Variants in RCOR3 observed in about 807,000 individuals in gnomAD.
RCOR3 encodes the protein REST corepressor 3.
Under a neutral mutation model 64.1 loss-of-function variants are expected in RCOR3, and 13 were observed. That is an observed-to-expected ratio of 0.20 (90% confidence interval 0.13 to 0.32). RCOR3 has a LOEUF of 0.32. Ranked by LOEUF, RCOR3 falls within the 10% of genes least tolerant of loss-of-function variation. RCOR3 has a pLI of 1.00. For synonymous variants in RCOR3, 215 were observed against 239.0 expected, an observed-to-expected ratio of 0.90 and a Z score of 0.93; for missense variants, 489 against 701.2, an observed-to-expected ratio of 0.70 and a Z score of 3.42.
rs547214735 is a variant in RCOR3, at chr1:211,262,113, C to T, written c.223+1949C>T. Among the ~76,000 whole-genome samples, 6 of 129,886 alleles carry T rather than the reference C, an allele frequency of 4.6e-5. No homozygotes were observed. In the East Asian group the frequency reaches 1.4e-3, roughly 30 times the overall value. 85.2% of individuals were successfully genotyped at this position (129,886 alleles called of 152,430 possible). A position where few individuals can be genotyped will look rare whatever the true frequency, so the allele number is the denominator to read the frequency against. The stretch of plus-strand genomic sequence containing the variant: ...AGTGCAGTGGCGTAATCTCGGCTCA[C>T]TGCAACCTCTGCCTCCCGGGTTCAA... On this transcript the variant is annotated intron_variant, in intron 2 of 11. Transcript: ENST00000419091.
chr1:211,260,240 G>C (rs1355040367), intron 2 of RCOR3, 76 bp downstream of exon 2: 23 of 1,371,590 alleles, frequency 1.7e-5, no homozygotes, highest in Middle Eastern at 1.8e-4. Context: ...CTAGGAGTCC[G>C]GGCATGGGGC....
At chr1:211,261,738 G>A (rs377109348) in intron 2 of RCOR3, among the ~76,000 whole-genome samples, 10 of 151,562 alleles carry the variant, frequency 6.6e-5, no homozygotes, top group East Asian at 2.0e-4. Context: ...TGGCTAACAC[G>A]GTGAAACCCC....
At chr1:211,295,779 T>C (rs571794982) in intron 9 of RCOR3, 26 bp downstream of exon 9, 2 of 1,594,828 alleles carry the variant, frequency 1.3e-6, no homozygotes, top group South Asian at 2.2e-5. Context: ...ATACATGTGA[T>C]TAAGTATAGT....
chr1:211,279,436 G>T, intron 7 of RCOR3, 120 bp downstream of exon 7: 1 of 657,376 alleles, frequency 1.5e-6, no homozygotes. Context: ...GTAAATTTCA[G>T]TGTTAATTAG....
At chr1:211,308,890 T>G (rs550144251) in intron 10 of RCOR3, among the ~76,000 whole-genome samples, 1 of 151,734 alleles carries the variant, frequency 6.6e-6, no homozygotes, top group Non-Finnish European at 1.5e-5. Context: ...TTTTGTATTT[T>G]TAGTAGAAAC....
intron 9 of RCOR3, among the ~76,000 whole-genome samples, chr1:211,300,493 AC>A (rs1444301655): frequency 6.6e-6 from 1 of 151,326 alleles, no homozygotes; most frequent in Non-Finnish European, 1.5e-5. Flanking sequence ...ATAGATGACT[AC>A]CCTTCTTTTT....
intron 8 of RCOR3, among the ~76,000 whole-genome samples, chr1:211,295,340 T>A (rs1699756967): frequency 6.6e-6 from 1 of 152,182 alleles, no homozygotes; most frequent in Non-Finnish European, 1.5e-5. Flanking sequence ...GGAAAAATTC[T>A]TATTTAGTCA....
At chr1:211,291,706 G>T (rs891034553) in intron 8 of RCOR3, 10 of 382,574 alleles carry the variant, frequency 2.6e-5, no homozygotes, top group Admixed American at 2.6e-4. Flanking sequence ...TGCTTTTCTG[G>T]TTCTCTAACA....
intron 7 of RCOR3, among the ~76,000 whole-genome samples, chr1:211,287,414 G>A (rs1698681790): frequency 1.3e-5 from 2 of 151,896 alleles, no homozygotes; most frequent in Non-Finnish European, 1.5e-5. Context: ...ATCATTTCTG[G>A]CCTCGGAAGA....
At chr1:211,262,881 T>A (rs949543694) in intron 2 of RCOR3, among the ~76,000 whole-genome samples, 5 of 137,168 alleles carry the variant, frequency 3.6e-5, no homozygotes, top group Non-Finnish European at 8.2e-5. Flanking sequence ...TTTTTTTTTT[T>A]ATTATTATAC....
At position 211,309,629 on chromosome 1, in the gene RCOR3, A is replaced by G. The variant is rs143938395; in HGVS notation, c.1076-3091A>G. 1.8e-4 allele frequency among the ~76,000 whole-genome samples: 27 copies of G among 152,324 alleles called. No homozygotes were observed. In the East Asian group the frequency reaches 4.6e-3, roughly 26 times the overall value. On this transcript the variant is annotated intron_variant, in intron 10 of 11. Coordinates refer to ENST00000419091, the MANE Select transcript of RCOR3 (RefSeq NM_001136223.3). The stretch of plus-strand genomic sequence containing the variant: ...TTTTCCTAGAAGTGAGACTTTAACA[A>G]CTATGGTTCAAGCATACCTTTTACA...
intron 2 of RCOR3, 21 bp downstream of exon 2, chr1:211,260,185 A>G (rs1391629744): frequency 6.2e-7 from 1 of 1,608,076 alleles, no homozygotes; most frequent in Admixed American, 1.7e-5. Context: ...TTGCTTAAGC[A>G]AAATCTCATA....
chr1:211,314,217 A>G lies in RCOR3; in HGVS notation c.*449A>G, dbSNP rs1701750638. 2.0e-5 allele frequency: 3 copies of G among 153,424 alleles called. No homozygotes were observed. Among genetic ancestry groups the G allele is most frequent in the Admixed American group, 2.0e-4 (3 of 15,370 alleles). The allele number at this position is 153,424 out of a possible 1,614,324, so 9.5% of individuals were successfully genotyped here. ...TGGCTTTTTTCTTTAATTTTTTAAA[A>G]ACCATTTTCCTATGTTAGGAGTGCA... On this transcript the variant is annotated 3_prime_UTR_variant, in exon 12 of 12. Coordinates refer to ENST00000419091, the MANE Select transcript of RCOR3 (RefSeq NM_001136223.3).
In RCOR3 at chr1:211,313,968, C is replaced by G. The variant is rs1701733252; in HGVS notation, c.*200C>G. Reference sequence around the variant, plus strand: ...TAAAATGTTTTACAACAAAAAGCCTCCAGTTAGCCTCCTTTCTAGAGTATA... The same window carrying G: ...TAAAATGTTTTACAACAAAAAGCCTGCAGTTAGCCTCCTTTCTAGAGTATA... On this transcript the variant is annotated 3_prime_UTR_variant, in exon 12 of 12. Transcript: ENST00000419091. This position sits in a 1 kb window ranked among gnomAD's most constrained non-coding sequence, Gnocchi z 4.7. 1.7e-6 allele frequency: 1 copy of G among 586,648 alleles called. No individual in the cohort carries two copies. The highest frequency in any genetic ancestry group is 3.0e-6 in the Non-Finnish European group (1 of 332,544). 36.3% of individuals were successfully genotyped at this position (586,648 alleles called of 1,614,324 possible). A position where few individuals can be genotyped will look rare whatever the true frequency, so the allele number is the denominator to read the frequency against.
chr1:211,316,230 T>A lies in RCOR3; in HGVS notation c.*2462T>A, dbSNP rs1355155002. The A allele has an allele frequency of 9.2e-5, 14 of 152,212 alleles. No individual in the cohort carries two copies. Among genetic ancestry groups the A allele is most frequent in the Admixed American group, 9.2e-4 (14 of 15,280 alleles). The allele number at this position is 152,212 out of a possible 1,614,324, so 9.4% of individuals were successfully genotyped here. A position where few individuals can be genotyped will look rare whatever the true frequency, so the allele number is the denominator to read the frequency against. ...AAAAATAAACCACACTGTGGATACA[T>A]CTTATAAAACTAATGGAAACAATGT... On this transcript the variant is annotated 3_prime_UTR_variant, in exon 12 of 12. Coordinates refer to ENST00000419091, the MANE Select transcript of RCOR3 (RefSeq NM_001136223.3).
At chr1:211,279,354 C>A in intron 7 of RCOR3, 38 bp downstream of exon 7, 2 of 1,434,708 alleles carry the variant, frequency 1.4e-6, no homozygotes, top group Non-Finnish European at 9.8e-7. Context: ...GATTGTTCTA[C>A]AAATCTGCTG....
intron 2 of RCOR3, 80 bp downstream of exon 2, chr1:211,260,244 A>C: frequency 1.7e-6 from 2 of 1,196,210 alleles, no homozygotes; most frequent in Non-Finnish European, 2.4e-6. Context: ...GAGTCCGGGC[A>C]TGGGGCCGGG....
At chr1:211,292,705 CAG>C (rs1699385664) in intron 8 of RCOR3, among the ~76,000 whole-genome samples, 1 of 152,212 alleles carries the variant, frequency 6.6e-6, no homozygotes, top group Admixed American at 6.5e-5. Context: ...TTTTCTGTCT[CAG>C]TGAGTAGTGC....
intron 6 of RCOR3, 47 bp downstream of exon 6, chr1:211,278,288 T>C: frequency 1.9e-6 from 3 of 1,588,296 alleles, no homozygotes; most frequent in Non-Finnish European, 2.6e-6. Flanking sequence ...GACACTGCAT[T>C]GTATTGCTTA....
Sources: allele counts gnomAD v4.1 joint callset (sites outside exome capture counted in the v4.1 genomes callset), GRCh38; gene constraint gnomAD v4.1.1; non-coding constraint Gnocchi (gnomAD v3.1); transcripts MANE v1.5; gene names NCBI Gene and HGNC (gene_info 2026-07-23, HGNC 2026-07-21).